SERPINB8: variants seen among roughly 807,000 people sequenced by gnomAD.
SERPINB8 encodes the protein serpin family B member 8.
In SERPINB8, 25 loss-of-function variants were observed where a neutral mutation model predicts 35.3. The observed-to-expected ratio is 0.71, with a 90% CI of 0.52 to 0.99. The LOEUF (loss-of-function observed/expected upper bound fraction) is 0.99, where lower values mean the gene tolerates loss of function less well. Among genes scored for constraint, SERPINB8 ranks in the 50% least tolerant of loss-of-function variants. The probability of loss-of-function intolerance (pLI) is 0.00; values close to 1 mark genes in which losing one functional copy is unlikely to be tolerated. For missense variants in SERPINB8, 484 were observed against 446.5 expected (o/e 1.08, Z -0.76); for synonymous variants, 186 against 160.8 (o/e 1.16, Z -1.19).
intron 2 of SERPINB8, 133 bp from the exon 3 acceptor site, chr18:63,979,668 G>T: frequency 9.6e-7 from 1 of 1,042,500 alleles, no homozygotes. Flanking sequence ...GAAACCCTGT[G>T]CTAGACAATT....
intron 7 of SERPINB8, among the ~76,000 whole-genome samples, chr18:64,011,837 C>T (rs772866235): frequency 4.6e-5 from 7 of 152,116 alleles, no homozygotes; most frequent in African/African-American, 7.2e-5. Flanking sequence ...AAGGCAGCCA[C>T]CCTCCTTACA....
exon 8 of SERPINB8, chr18:64,019,059 A>T (rs2050963731): frequency 6.6e-6 from 1 of 152,168 alleles, no homozygotes; most frequent in African/African-American, 2.4e-5. Flanking sequence ...TGTATAGAAA[A>T]CTGCCTACTG....
downstream of SERPINB8, among the ~76,000 whole-genome samples, chr18:63,989,869 G>A (rs567242721): frequency 3.9e-4 from 57 of 145,476 alleles, no homozygotes; most frequent in Admixed American, 6.8e-4. Flanking sequence ...CGTGAACCCG[G>A]GAGGCGGAGC....
At chr18:64,019,651 C>A (rs561462200) in exon 8 of SERPINB8, 1 of 152,118 alleles carries the variant, frequency 6.6e-6, no homozygotes, top group African/African-American at 2.4e-5. Context: ...CAACACTGAT[C>A]TACCCAGTAA....
At chr18:63,973,444 C>G (rs1315193415) in intron 1 of SERPINB8, among the ~76,000 whole-genome samples, 1 of 152,148 alleles carries the variant, frequency 6.6e-6, no homozygotes, top group Non-Finnish European at 1.5e-5. Flanking sequence ...TGTAGGTTGC[C>G]TGTTTACTCT....
chr18:64,013,282 C>T, intron 7 of SERPINB8, among the ~76,000 whole-genome samples: 1 of 152,026 alleles, frequency 6.6e-6, no homozygotes, highest in South Asian at 2.1e-4. Flanking sequence ...TGAGCAAGTT[C>T]CTCCACCCTG....
chr18:63,971,359 C>T (rs545266941), intron 1 of SERPINB8, among the ~76,000 whole-genome samples: 13 of 152,342 alleles, frequency 8.5e-5, no homozygotes, highest in African/African-American at 3.1e-4. Context: ...GTCTACTCAT[C>T]CCCGTCCCTA....
At chr18:63,997,660 A>G (rs771127438) in intron 1 of SERPINB8, among the ~76,000 whole-genome samples, 1 of 152,208 alleles carries the variant, frequency 6.6e-6, no homozygotes, top group Non-Finnish European at 1.5e-5. Context: ...GGCTCCCTCA[A>G]CAAAGGAGCC....
chr18:63,984,993 CA>C, intron 5 of SERPINB8, 99 bp from the exon 6 acceptor site: 1 of 1,138,790 alleles, frequency 8.8e-7, no homozygotes, highest in Non-Finnish European at 1.3e-6. Context: ...TGTGCAGAAA[CA>C]GTAATTATAC....
At chr18:63,993,487 G>T (rs561779281), downstream of SERPINB8, among the ~76,000 whole-genome samples, 4 of 152,266 alleles carry the variant, frequency 2.6e-5, no homozygotes, top group South Asian at 8.3e-4. Flanking sequence ...TCTATCTCAG[G>T]AAATGCTCCA....
chr18:64,010,976 C>A (rs2050923360), intron 7 of SERPINB8, among the ~76,000 whole-genome samples: 1 of 151,362 alleles, frequency 6.6e-6, no homozygotes, highest in Admixed American at 6.6e-5. Context: ...TATACACACA[C>A]ACATTGTTTT....
At chr18:63,983,111 G>A (rs941512016) in intron 4 of SERPINB8, among the ~76,000 whole-genome samples, 2 of 152,178 alleles carry the variant, frequency 1.3e-5, no homozygotes, top group Non-Finnish European at 2.9e-5. Flanking sequence ...GTCAAAATGG[G>A]AAGAAATGCT....
chr18:63,970,182 T>C lies in SERPINB8; in HGVS notation c.-11+12T>C. 1 of 333,808 alleles carries C rather than the reference T, an allele frequency of 3.0e-6. No individual in the cohort carries two copies. Among genetic ancestry groups the C allele is most frequent in the Non-Finnish European group, 5.9e-6 (1 of 170,390 alleles). 20.7% of individuals were successfully genotyped at this position (333,808 alleles called of 1,614,324 possible). ...AGCAGCAGCAGGAGGTGGGGGCCTCTGCCAGGTACCGGGCGGGGCAGGCAC... is the reference window on the plus strand; with the variant it reads ...AGCAGCAGCAGGAGGTGGGGGCCTCCGCCAGGTACCGGGCGGGGCAGGCAC... On this transcript the variant is annotated intron_variant, in intron 1 of 6. Transcript: ENST00000397985.
rs146092903 is a variant in SERPINB8, at chr18:64,004,602, A to T, written c.71-217A>T. Among the ~76,000 whole-genome samples the T allele has an allele frequency of 8.9e-4, 136 of 152,332 alleles. 1 individual carries two copies. In the East Asian group the frequency reaches 0.024, roughly 27 times the overall value. On this transcript the variant is annotated intron_variant, in intron 1 of 1. Transcript: ENST00000493661. ...TTAAGAGCTATGTATATTATTTTAA[A>T]TAAAAAGTATATTTTAATATTTCAG...
rs1290946973 is a variant in SERPINB8 at position 63,978,402 on chromosome 18, C to G, written c.94C>G (p.Pro32Ala). The G allele has an allele frequency of 3.7e-6, 6 of 1,614,088 alleles. No homozygotes were observed. The highest frequency in any genetic ancestry group is 4.2e-6 in the Non-Finnish European group (5 of 1,180,044). The change falls in exon 2 of 7, where the codon CCC becomes GCC. Residue 32 changes from proline to alanine, a missense_variant. Physicochemically the swap from Pro to Ala is conservative, Grantham distance 27. Transcript: ENST00000397985. Reference protein sequence around the residue: ...EDNSRNVFFSPMSISSALAMV... With the variant: ...EDNSRNVFFSAMSISSALAMV... ...CAACTCAAGAAACGTATTCTTCTCT[C>G]CCATGAGCATCTCCTCTGCCCTGGC...
chr18:63,996,768 G>A (rs529885266), intron 1 of SERPINB8, among the ~76,000 whole-genome samples: 1 of 152,202 alleles, frequency 6.6e-6, no homozygotes, highest in African/African-American at 2.4e-5. Context: ...TTGTAATCTG[G>A]GCAAGTGGCA....
At chr18:64,004,096 T>G (rs1231878751) in intron 1 of SERPINB8, among the ~76,000 whole-genome samples, 1 of 152,238 alleles carries the variant, frequency 6.6e-6, no homozygotes, top group African/African-American at 2.4e-5. Context: ...TAAAATAATC[T>G]CTTTTTAAAG....
intron 7 of SERPINB8, among the ~76,000 whole-genome samples, chr18:64,015,596 T>A (rs1300224580): frequency 6.6e-6 from 1 of 152,234 alleles, no homozygotes; most frequent in African/African-American, 2.4e-5. Flanking sequence ...CACTCTGGTG[T>A]GCTTGTTATG....
At chr18:64,001,711 C>T (rs1219631716) in intron 1 of SERPINB8, among the ~76,000 whole-genome samples, 1 of 151,978 alleles carries the variant, frequency 6.6e-6, no homozygotes, top group Non-Finnish European at 1.5e-5. Flanking sequence ...GGTCTCGAAC[C>T]CCTGACCTCA....
Sources: allele counts gnomAD v4.1 joint callset (sites outside exome capture counted in the v4.1 genomes callset), GRCh38; gene constraint gnomAD v4.1.1; transcripts MANE v1.5; gene names NCBI Gene and HGNC (gene_info 2026-07-23, HGNC 2026-07-21).